Variants in SYNPO2 observed in about 807,000 individuals in gnomAD.
SYNPO2 encodes synaptopodin 2.
In SYNPO2, 56 loss-of-function variants were observed where a neutral mutation model predicts 85.0. The ratio of observed to expected loss-of-function variants is 0.66; its 90% CI spans 0.53 to 0.82. The LOEUF is 0.82. Among genes scored for constraint, SYNPO2 ranks in the 40% least tolerant of loss-of-function variants. SYNPO2 has a pLI of 0.00. For missense variants in SYNPO2, 1,575 were observed against 1,534.2 expected, an observed-to-expected ratio of 1.03 and a Z score of -0.44; for synonymous variants, 602 against 591.1, an observed-to-expected ratio of 1.02 and a Z score of -0.27.
At position 118,944,637 on chromosome 4, in the gene SYNPO2, AC is replaced by A. The variant is rs1042947498; in HGVS notation, c.105+55497del. On this transcript the variant is annotated intron_variant, in intron 1 of 4. Coordinates refer to ENST00000307142, the MANE Select transcript of SYNPO2 (RefSeq NM_133477.3). ...CCAACTAGTAATAATTACAAAAAAA[AC>A]ACCCAATAATAATATAACTTTTAAA... 5.4e-4 allele frequency among the ~76,000 whole-genome samples: 82 copies of A among 152,246 alleles called. 1 individual carries two copies. Among genetic ancestry groups the A allele is most frequent in the African/African-American group, 1.8e-3 (76 of 41,544 alleles).
intron 1 of SYNPO2, among the ~76,000 whole-genome samples, chr4:118,965,054 A>G (rs1735260251): frequency 6.6e-6 from 1 of 152,102 alleles, no homozygotes; most frequent in Non-Finnish European, 1.5e-5. Context: ...TGTACTGTGC[A>G]TCTTGTAGCT....
chr4:118,890,729 CTCTCTGTGTGTG>C (rs1395060110), intron 1 of SYNPO2, among the ~76,000 whole-genome samples: 1 of 137,180 alleles, frequency 7.3e-6, no homozygotes, highest in African/African-American at 2.7e-5. Context: ...CTCTCTCTCT[CTCTCTGTGTGTG>C]TGTGTGTGTG....
rs376359189 is a variant in SYNPO2 at position 119,051,186 on chromosome 4, A to ATG, written c.3253-6214_3253-6213insGT. On this transcript the variant is annotated intron_variant, in intron 4 of 4. Transcript: ENST00000307142. ...CACTGGGGTAAAGCCATGGGAAGCA[A>ATG]TTTTTTTTTTTTTTTTTTTTTGAGA... 7.0e-5 allele frequency among the ~76,000 whole-genome samples: 7 copies of ATG among 100,704 alleles called. 2 individuals carry two copies. The highest frequency in any genetic ancestry group is 9.5e-5 in the Non-Finnish European group (5 of 52,784). The allele number at this position is 100,704 out of a possible 152,430, so 66.1% of individuals were successfully genotyped here.
intron 1 of SYNPO2, among the ~76,000 whole-genome samples, chr4:119,017,619 T>C (rs1737572574): frequency 6.6e-6 from 1 of 152,180 alleles, no homozygotes; most frequent in Non-Finnish European, 1.5e-5. Flanking sequence ...TCTTAGTTAT[T>C]GCCAGGTCCC....
intron 1 of SYNPO2, among the ~76,000 whole-genome samples, chr4:118,899,480 A>G (rs1214970478): frequency 1.3e-5 from 2 of 152,190 alleles, no homozygotes; most frequent in Non-Finnish European, 2.9e-5. Context: ...ATGGGGTACA[A>G]TGATTCAAAG....
chr4:118,888,681 T>C (rs1364503927), upstream of SYNPO2, among the ~76,000 whole-genome samples: 1 of 152,202 alleles, frequency 6.6e-6, no homozygotes, highest in Non-Finnish European at 1.5e-5. Context: ...TAACTTTGGC[T>C]CTCCCTTCCG....
intron 1 of SYNPO2, among the ~76,000 whole-genome samples, chr4:119,010,916 G>A (rs1048213166): frequency 6.6e-6 from 1 of 152,222 alleles, no homozygotes; most frequent in Non-Finnish European, 1.5e-5. Context: ...TGAAGAGAGA[G>A]AGTAGCTGAG....
Position 118,856,897 on chromosome 4 carries a change from G to A in SYNPO2, c.12+5957G>A, listed in dbSNP as rs1189590006. ...CTTCAATTGAATAGAAATAATGGAC[G>A]TTCTCTCTTTCTTTTCATTCTGTAT... On this transcript the variant is annotated intron_variant, in intron 1 of 4. Coordinates refer to the SYNPO2 transcript ENST00000610556. Among the ~76,000 whole-genome samples, 3 of 152,052 alleles carry A rather than the reference G, an allele frequency of 2.0e-5. No homozygotes were observed. The East Asian group carries it at 5.8e-4, about 29-fold the overall frequency.
chr4:118,893,550 C>A (rs1732442361), intron 1 of SYNPO2, among the ~76,000 whole-genome samples: 2 of 152,156 alleles, frequency 1.3e-5, no homozygotes, highest in Admixed American at 6.5e-5. Context: ...GATTTTTCTT[C>A]TTCCTTATTG....
intron 1 of SYNPO2, among the ~76,000 whole-genome samples, chr4:118,984,995 C>G (rs1736164616): frequency 6.6e-6 from 1 of 152,070 alleles, no homozygotes; most frequent in Admixed American, 6.6e-5. Flanking sequence ...CAATGGGTTC[C>G]CTTTAGGTCA....
chr4:119,043,926 A>C (rs1286316603), intron 4 of SYNPO2: 2 of 133,186 alleles, frequency 1.5e-5, no homozygotes, highest in Admixed American at 8.3e-5. Flanking sequence ...TGACAGAGAC[A>C]GACTCCGTCT....
chr4:118,916,817 T>C (rs1733350960), intron 1 of SYNPO2, among the ~76,000 whole-genome samples: 2 of 149,296 alleles, frequency 1.3e-5, no homozygotes, highest in Admixed American at 1.4e-4. Context: ...ACTGCAGCCT[T>C]GAACTCCTTG....
At chr4:118,980,119 T>C (rs972073616) in intron 1 of SYNPO2, among the ~76,000 whole-genome samples, 74 of 152,348 alleles carry the variant, frequency 4.9e-4, no homozygotes, top group African/African-American at 1.7e-3. Flanking sequence ...TAAATCATAT[T>C]AGTTTAATGA....
At chr4:118,864,419 G>A (rs1238987359) in intron 1 of SYNPO2, among the ~76,000 whole-genome samples, 5 of 152,164 alleles carry the variant, frequency 3.3e-5, no homozygotes, top group African/African-American at 7.2e-5. Context: ...TTCTGCAGCC[G>A]TTGGATGAAA....
chr4:118,865,985 A>G (rs762708392), intron 1 of SYNPO2, among the ~76,000 whole-genome samples: 2 of 152,186 alleles, frequency 1.3e-5, no homozygotes, highest in Admixed American at 1.3e-4. Context: ...CTGATTCACA[A>G]CACTTCATGT....
intron 1 of SYNPO2, among the ~76,000 whole-genome samples, chr4:119,007,235 T>A (rs1460495726): frequency 2.0e-5 from 1 of 48,818 alleles, no homozygotes; most frequent in Non-Finnish European, 3.7e-5. Flanking sequence ...TATATATATA[T>A]ATATATATAT....
Position 119,030,048 on chromosome 4 carries a change from G to A in SYNPO2, c.1273G>A (p.Glu425Lys). The change falls in exon 4 of 5, where the codon GAA becomes AAA. Residue 425 changes from glutamate to lysine, a missense_variant. This residue lies in a region of SYNPO2 where 1,508 missense variants were observed against 1,446.8 expected (regional missense o/e 1.04). Coordinates refer to ENST00000307142, the MANE Select transcript of SYNPO2 (RefSeq NM_133477.3). Reference sequence around the variant, plus strand: ...GCTTGAGCGAGAGGCGGACGAGGAGGAAGAAGGTGACAAGGAGGATACATG... The same window carrying A: ...GCTTGAGCGAGAGGCGGACGAGGAGAAAGAAGGTGACAAGGAGGATACATG... Reference protein sequence around the residue: ...GELEREADEEEEGDKEDTCEV... With the variant: ...GELEREADEEKEGDKEDTCEV... The A allele has an allele frequency of 6.2e-7, 1 of 1,614,034 alleles. No homozygotes were observed. The highest frequency in any genetic ancestry group is 8.5e-7 in the Non-Finnish European group (1 of 1,180,034).
chr4:118,993,196 A>C (rs1244182238), intron 1 of SYNPO2, among the ~76,000 whole-genome samples: 3 of 150,398 alleles, frequency 2.0e-5, no homozygotes, highest in Non-Finnish European at 4.5e-5. Context: ...AGGAAGAGAG[A>C]GAAGACAAAC....
At chr4:118,968,994 C>T (rs1432837443) in intron 1 of SYNPO2, among the ~76,000 whole-genome samples, 1 of 152,246 alleles carries the variant, frequency 6.6e-6, no homozygotes, top group Admixed American at 6.5e-5. Context: ...ATCCACAGAA[C>T]GAGAGGAGTG....
Sources: gnomAD v4.1 joint callset for allele counts (sites outside exome capture counted in the v4.1 genomes callset) on GRCh38, gnomAD v4.1.1 for gene constraint, gnomAD v4.1.1 regional missense constraint, MANE v1.5 for transcripts, NCBI Gene and HGNC (gene_info 2026-07-23, HGNC 2026-07-21) for gene names.